Variants in GDAP1 observed in about 807,000 individuals in gnomAD.
The protein encoded by GDAP1 is ganglioside induced differentiation associated protein 1, also known as ganglioside-induced differentiation-associated protein 1.
GDAP1 carries 34 observed loss-of-function variants against 40.1 expected under a neutral mutation model. The ratio of observed to expected loss-of-function variants is 0.85; its 90% CI spans 0.64 to 1.13. The LOEUF (loss-of-function observed/expected upper bound fraction) is 1.13. Among genes scored for constraint, GDAP1 ranks in the 50% most tolerant of loss-of-function variants. The probability of loss-of-function intolerance (pLI) is 0.00; values close to 1 mark genes in which losing one functional copy is unlikely to be tolerated. For synonymous variants in GDAP1, 170 were observed against 157.4 expected, an observed-to-expected ratio of 1.08 and a Z score of -0.60; for missense variants, 374 against 433.7, an observed-to-expected ratio of 0.86 and a Z score of 1.22.
At chr8:74,456,623 G>T (rs1320065093) in intron 2 of GDAP1, among the ~76,000 whole-genome samples, 1 of 151,872 alleles carries the variant, frequency 6.6e-6, no homozygotes, top group East Asian at 1.9e-4. Context: ...AGTAGATATG[G>T]ACAGGAGACA....
At chr8:74,391,330 C>T (rs1456087686) in intron 2 of GDAP1, among the ~76,000 whole-genome samples, 2 of 152,086 alleles carry the variant, frequency 1.3e-5, no homozygotes, top group Admixed American at 1.3e-4. Flanking sequence ...GAGGGATTCT[C>T]TTCATCTGCG....
rs1469882852 is a variant in GDAP1, at chr8:74,408,541, C to T, written c.165+57220C>T. On this transcript the variant is annotated intron_variant, in intron 2 of 2. Transcript: ENST00000523640. ...AGTCTTTCAGGACTTAATGAAAAGGCACCATCCATGAGCCAGGAAACACAT... is the reference window on the plus strand; with the variant it reads ...AGTCTTTCAGGACTTAATGAAAAGGTACCATCCATGAGCCAGGAAACACAT... 2.0e-5 allele frequency among the ~76,000 whole-genome samples: 3 copies of T among 150,014 alleles called. 1 individual carries two copies. The highest frequency in any genetic ancestry group is 7.6e-5 in the African/African-American group (3 of 39,346).
At chr8:74,439,617 T>G (rs7840966) in intron 2 of GDAP1, among the ~76,000 whole-genome samples, 4,502 of 152,074 alleles carry the variant, frequency 0.03, 206 homozygotes, top group African/African-American at 0.099. Flanking sequence ...TTGTTTGTTT[T>G]TTTTAATTTC....
At chr8:74,360,556 T>A (rs1222674800) in intron 3 of GDAP1, among the ~76,000 whole-genome samples, 1 of 152,226 alleles carries the variant, frequency 6.6e-6, no homozygotes, top group Non-Finnish European at 1.5e-5. Context: ...GGGCCAATCT[T>A]GGGTAAAACT....
At chr8:74,449,972 A>G (rs577334410) in intron 2 of GDAP1, among the ~76,000 whole-genome samples, 2 of 151,946 alleles carry the variant, frequency 1.3e-5, no homozygotes, top group East Asian at 1.9e-4. Flanking sequence ...AGAAATTTCT[A>G]CTTTTCAGAT....
At chr8:74,361,226 A>T (rs991335910) in intron 3 of GDAP1, among the ~76,000 whole-genome samples, 3 of 152,098 alleles carry the variant, frequency 2.0e-5, no homozygotes, top group African/African-American at 7.2e-5. Flanking sequence ...AATATTTTTT[A>T]AAAATAAGGC....
At chr8:74,367,326 T>C (rs1209274962), downstream of GDAP1, among the ~76,000 whole-genome samples, 1 of 152,216 alleles carries the variant, frequency 6.6e-6, no homozygotes, top group African/African-American at 2.4e-5. Flanking sequence ...GAAATTACCT[T>C]CTACATTTCT....
At chr8:74,399,238 G>T (rs1408710188) in intron 2 of GDAP1, among the ~76,000 whole-genome samples, 2 of 144,946 alleles carry the variant, frequency 1.4e-5, no homozygotes, top group Non-Finnish European at 2.9e-5. Context: ...CCTGTTATTG[G>T]TCTATTCAGA....
Position 74,400,395 on chromosome 8 carries a change from C to T in GDAP1, c.165+49074C>T, listed in dbSNP as rs138757935. 1.2e-3 allele frequency among the ~76,000 whole-genome samples: 183 copies of T among 148,732 alleles called. 4 individuals carry two copies. The East Asian group carries it at 0.028, about 23-fold the overall frequency. ...AACCCCTGCCTTTTTTTTTGTTTTC[C>T]GTTTGCTTGGTAGATCTTCCTCCAT... is the stretch of plus-strand genomic sequence containing the variant. On this transcript the variant is annotated intron_variant, in intron 2 of 2. Transcript: ENST00000523640.
At chr8:74,487,642 C>G (rs896069703) in intron 2 of GDAP1, among the ~76,000 whole-genome samples, 2 of 152,116 alleles carry the variant, frequency 1.3e-5, no homozygotes, top group Non-Finnish European at 1.5e-5. Context: ...CTTTTTACTT[C>G]TCTGGCAGGA....
chr8:74,487,586 C>A (rs1250282946), intron 2 of GDAP1, among the ~76,000 whole-genome samples: 1 of 152,000 alleles, frequency 6.6e-6, no homozygotes, highest in Non-Finnish European at 1.5e-5. Context: ...CAGGGGTAGA[C>A]CTAAATGGCT....
intron 2 of GDAP1, among the ~76,000 whole-genome samples, chr8:74,354,097 G>A (rs1244910169): frequency 6.6e-6 from 1 of 152,104 alleles, no homozygotes; most frequent in African/African-American, 2.4e-5. Context: ...ACGCACATTT[G>A]CAGATGAATA....
chr8:74,460,478 T>G (rs1806387187), intron 2 of GDAP1, among the ~76,000 whole-genome samples: 2 of 152,210 alleles, frequency 1.3e-5, no homozygotes, highest in African/African-American at 4.8e-5. Context: ...CTAAAACATA[T>G]GTCTATGTGA....
At position 74,366,553 on chromosome 8, in the gene GDAP1, T is replaced by C. The variant is rs538777952; in HGVS notation, c.*2186T>C. Reference sequence around the variant, plus strand: ...CTTATGTGTATTTTCTTTTTCATGATTATCGGTGACTGGTCAGTGTACTCA... The same window carrying C: ...CTTATGTGTATTTTCTTTTTCATGACTATCGGTGACTGGTCAGTGTACTCA... On this transcript the variant is annotated 3_prime_UTR_variant, in exon 6 of 6. Coordinates refer to ENST00000220822, the MANE Select transcript of GDAP1 (RefSeq NM_018972.4). 1.5e-5 allele frequency: 7 copies of C among 453,852 alleles called. No individual in the cohort carries two copies. The highest frequency in any genetic ancestry group is 9.3e-5 in the South Asian group (6 of 64,402). The allele number at this position is 453,852 out of a possible 1,614,324, so 28.1% of individuals were successfully genotyped here.
At chr8:74,373,020 G>A (rs1234845681) in intron 2 of GDAP1, among the ~76,000 whole-genome samples, 6 of 152,070 alleles carry the variant, frequency 3.9e-5, no homozygotes, top group Non-Finnish European at 7.4e-5. Context: ...TTGTTAAATA[G>A]GGAATCATTT....
At chr8:74,354,262 A>G (rs184931232) in intron 2 of GDAP1, among the ~76,000 whole-genome samples, 2 of 152,348 alleles carry the variant, frequency 1.3e-5, no homozygotes, top group Admixed American at 6.5e-5. Flanking sequence ...GGAATAGTGT[A>G]TCTTATGAAA....
At chr8:74,399,053 A>G (rs1264904270) in intron 2 of GDAP1, among the ~76,000 whole-genome samples, 4 of 152,036 alleles carry the variant, frequency 2.6e-5, no homozygotes, top group Non-Finnish European at 5.9e-5. Context: ...TCAGGATGAT[A>G]CTGGCCTCAT....
intron 2 of GDAP1, among the ~76,000 whole-genome samples, chr8:74,390,297 G>C (rs770196619): frequency 1.3e-5 from 2 of 152,290 alleles, no homozygotes; most frequent in East Asian, 3.9e-4. Context: ...TTTTGCGCTG[G>C]TTTTTCTTCA....
chr8:74,463,775 A>G (rs1351868364), intron 2 of GDAP1, among the ~76,000 whole-genome samples: 1 of 152,260 alleles, frequency 6.6e-6, no homozygotes, highest in African/African-American at 2.4e-5. Flanking sequence ...TACCACAATT[A>G]CAAGAAAGCA....
Sources: allele counts gnomAD v4.1 joint callset (sites outside exome capture counted in the v4.1 genomes callset), GRCh38; gene constraint gnomAD v4.1.1; transcripts MANE v1.5; gene names NCBI Gene and HGNC (gene_info 2026-07-23, HGNC 2026-07-21).